Variants in CEP135 observed in about 807,000 individuals in gnomAD.
The protein encoded by CEP135 is centrosomal protein of 135 kDa.
A neutral mutation model predicts 157.3 loss-of-function variants in CEP135; 142 were observed. That is an observed-to-expected ratio of 0.90 (90% CI 0.79 to 1.04). The LOEUF (loss-of-function observed/expected upper bound fraction) is 1.04. Ranked by LOEUF, CEP135 falls within the 50% of genes least tolerant of loss-of-function variation. The pLI, the probability that CEP135 is intolerant of heterozygous loss-of-function variation, is 0.00. For missense variants in CEP135, 1,317 were observed against 1,309.2 expected (o/e 1.01, Z -0.09); for synonymous variants, 396 against 439.8 (o/e 0.90, Z 1.25).
intron 6 of CEP135, among the ~76,000 whole-genome samples, chr4:55,961,763 C>T (rs1327489857): frequency 7.1e-5 from 3 of 42,066 alleles, no homozygotes; most frequent in Non-Finnish European, 1.2e-4. Context: ...AAAACTCTGT[C>T]TAAAAAAAAA....
At chr4:56,029,568 A>G (rs1731269819) in intron 25 of CEP135, among the ~76,000 whole-genome samples, 1 of 152,178 alleles carries the variant, frequency 6.6e-6, no homozygotes, top group South Asian at 2.1e-4. Context: ...GTTCTGAGAA[A>G]TTTGTTTTAC....
Position 56,011,464 on chromosome 4 carries a change from G to A in CEP135, c.2558G>A (p.Ser853Asn), listed in dbSNP as rs1389448056. The A allele has an allele frequency of 6.2e-7, 1 of 1,612,574 alleles. No individual in the cohort carries two copies. Among genetic ancestry groups the A allele is most frequent in the Non-Finnish European group, 8.5e-7 (1 of 1,179,630 alleles). ...AAVQEKEEMK[S>N]RVHKYITEVS... The stretch of plus-strand genomic sequence containing the variant: ...GTGCAAGAAAAAGAAGAAATGAAGA[G>A]CAGAGTTCATAAATACATAACAGAG... Residue 853 changes from serine (S) to asparagine (N), a missense_variant, in exon 20 of 26, where the codon AGC (serine) becomes AAC (asparagine). Coordinates refer to ENST00000257287, the MANE Select transcript of CEP135 (RefSeq NM_025009.5).
intron 6 of CEP135, among the ~76,000 whole-genome samples, chr4:55,962,244 C>T (rs2109651955): frequency 6.6e-6 from 1 of 152,206 alleles, no homozygotes; most frequent in South Asian, 2.1e-4. Context: ...GGACTACAGG[C>T]ACCCACCACC....
chr4:56,007,246 T>C (rs1329378549), intron 17 of CEP135, among the ~76,000 whole-genome samples: 2 of 152,210 alleles, frequency 1.3e-5, no homozygotes, highest in Non-Finnish European at 2.9e-5. Flanking sequence ...CTTCAAACTT[T>C]ATTGAATTTC....
chr4:56,000,889 G>A (rs1271407446), intron 17 of CEP135, among the ~76,000 whole-genome samples: 1 of 152,084 alleles, frequency 6.6e-6, no homozygotes, highest in Non-Finnish European at 1.5e-5. Flanking sequence ...AAGAGTTCCT[G>A]TTTCTCCATA....
Position 56,019,388 on chromosome 4 carries a change from A to C in CEP135, c.3048A>C (p.Ser1016=). The stretch of plus-strand genomic sequence containing the variant: ...AATTAGAAAATGTAAAGTCAGAGTC[A>C]GACCTACTGAAAAAACAACTTTCAA... The part of the protein sequence containing the change: ...VVELENVKSE[S]DLLKKQLSNE... Residue 1016 remains serine (S), a synonymous_variant, in exon 23 of 26, where the codon TCA becomes TCC. Transcript: ENST00000257287. The C allele has an allele frequency of 6.2e-7, 1 of 1,613,712 alleles. No individual in the cohort carries two copies. The highest frequency in any genetic ancestry group is 8.5e-7 in the Non-Finnish European group (1 of 1,179,892).
intron 5 of CEP135, 138 bp from the exon 6 acceptor site, chr4:55,959,544 G>C (rs1728613941): frequency 1.4e-6 from 1 of 693,828 alleles, no homozygotes; most frequent in African/African-American, 1.8e-5. Flanking sequence ...TATTGATTTG[G>C]GGACCCTTTG....
At chr4:55,975,387 C>T (rs373796848) in intron 11 of CEP135, among the ~76,000 whole-genome samples, 166 of 152,324 alleles carry the variant, frequency 1.1e-3, no homozygotes, top group African/African-American at 3.9e-3. Flanking sequence ...AGGTGTGTCA[C>T]ATTCTACTGA....
intron 17 of CEP135, among the ~76,000 whole-genome samples, chr4:56,004,669 T>G (rs1280286117): frequency 1.3e-5 from 2 of 152,222 alleles, no homozygotes; most frequent in Non-Finnish European, 1.5e-5. Flanking sequence ...TGACCTTTGT[T>G]GTCTCTTTAT....
intron 24 of CEP135, among the ~76,000 whole-genome samples, chr4:56,023,895 A>G (rs1731062768): frequency 1.4e-5 from 2 of 138,752 alleles, no homozygotes; most frequent in Non-Finnish European, 3.0e-5. Flanking sequence ...AATGTAATAT[A>G]TATAATATAT....
At chr4:55,993,889 C>T (rs1384454467) in intron 15 of CEP135, among the ~76,000 whole-genome samples, 1 of 152,180 alleles carries the variant, frequency 6.6e-6, no homozygotes, top group Admixed American at 6.5e-5. Flanking sequence ...AGGAGTAATT[C>T]AGTCACTGGG....
At chr4:55,977,701 C>A (rs1322712212) in intron 11 of CEP135, among the ~76,000 whole-genome samples, 1 of 152,156 alleles carries the variant, frequency 6.6e-6, no homozygotes, top group African/African-American at 2.4e-5. Flanking sequence ...AAAATCTATT[C>A]TTTTAGCAAT....
intron 9 of CEP135, among the ~76,000 whole-genome samples, chr4:55,970,391 A>T (rs972740196): frequency 3.9e-5 from 6 of 152,184 alleles, no homozygotes; most frequent in African/African-American, 1.4e-4. Flanking sequence ...TGAGGATTTT[A>T]AAAAAATAAC....
At chr4:56,025,585 G>A (rs1203121476) in intron 25 of CEP135, among the ~76,000 whole-genome samples, 1 of 152,096 alleles carries the variant, frequency 6.6e-6, no homozygotes, top group Non-Finnish European at 1.5e-5. Context: ...TAAGTCAAAA[G>A]GAACGTGAAC....
chr4:55,974,030 C>T (rs1255702933), intron 10 of CEP135, among the ~76,000 whole-genome samples: 1 of 152,170 alleles, frequency 6.6e-6, no homozygotes, highest in African/African-American at 2.4e-5. Flanking sequence ...GCACACTGTC[C>T]TTTTGTAGCT....
In CEP135 at chr4:55,976,908, C is replaced by T. The variant is rs527750222; in HGVS notation, c.1473+1939C>T. ...CACAGCAACATCTGCCTACTGGGCT[C>T]AAGCCATTTTCACACCTTAGCGTAC... is the stretch of plus-strand genomic sequence containing the variant. On this transcript the variant is annotated intron_variant, in intron 11 of 25. Transcript: ENST00000257287. 1.1e-4 allele frequency among the ~76,000 whole-genome samples: 16 copies of T among 152,176 alleles called. No homozygotes were observed. In the South Asian group the frequency reaches 3.3e-3, roughly 32 times the overall value.
chr4:55,998,748 C>T (rs1347528710), intron 15 of CEP135, among the ~76,000 whole-genome samples: 1 of 151,992 alleles, frequency 6.6e-6, no homozygotes, highest in Non-Finnish European at 1.5e-5. Context: ...GTCTGTAGTC[C>T]CAGCCTCTAG....
At chr4:55,951,401 A>G (rs1305802550) in intron 1 of CEP135, among the ~76,000 whole-genome samples, 3 of 152,132 alleles carry the variant, frequency 2.0e-5, no homozygotes, top group Non-Finnish European at 2.9e-5. Context: ...GACATTTGCT[A>G]TTGTCGGTCC....
intron 14 of CEP135, 80 bp from the exon 15 acceptor site, chr4:55,991,854 A>T: frequency 1.4e-6 from 1 of 714,958 alleles, no homozygotes. Flanking sequence ...TTCTTCCGGA[A>T]ATATTATTAA....
Sources: allele counts gnomAD v4.1 joint callset (sites outside exome capture counted in the v4.1 genomes callset), GRCh38; gene constraint gnomAD v4.1.1; transcripts MANE v1.5; gene names NCBI Gene and HGNC (gene_info 2026-07-23, HGNC 2026-07-21).